The following FGD5 variants were observed in gnomAD, a reference collection of about 807,000 sequenced individuals.
The protein encoded by FGD5 is FYVE, RhoGEF and PH domain-containing protein 5.
In FGD5, 28 loss-of-function variants were observed where a neutral mutation model predicts 133.4. That is an observed-to-expected ratio of 0.21 (90% CI 0.16 to 0.29). The LOEUF is 0.29. Among genes scored for constraint, FGD5 ranks in the 10% least tolerant of loss-of-function variants. The pLI, the probability that FGD5 is intolerant of heterozygous loss-of-function variation, is 1.00. For synonymous variants in FGD5, 810 were observed against 776.5 expected (o/e 1.04, Z -0.72); for missense variants, 1,858 against 1,895.2 (o/e 0.98, Z 0.36).
chr3:14,812,547 G>A (rs2036310241), intron 1 of FGD5, among the ~76,000 whole-genome samples: 1 of 152,134 alleles, frequency 6.6e-6, no homozygotes, highest in Admixed American at 6.5e-5. Flanking sequence ...TCGCTCTTGG[G>A]TTCAGCCTTC....
rs1294051371 is a variant in FGD5 at position 14,917,563 on chromosome 3, C to G, written c.3489+231C>G. ...ACCCTTAGAGTGGATAATATTTGGT[C>G]GGATCAGGAAGGAAGGGAAGGAGGG... is the stretch of plus-strand genomic sequence containing the variant. On this transcript the variant is annotated intron_variant, in intron 12 of 19. Coordinates refer to ENST00000285046, the MANE Select transcript of FGD5 (RefSeq NM_152536.4). This position sits in a 1 kb window ranked among gnomAD's most constrained non-coding sequence, Gnocchi z 4.1. 3.3e-5 allele frequency among the ~76,000 whole-genome samples: 5 copies of G among 151,526 alleles called. No individual in the cohort carries two copies. The highest frequency in any genetic ancestry group is 6.6e-5 in the Admixed American group (1 of 15,228).
Position 14,917,349 on chromosome 3 carries a change from A to G in FGD5, c.3489+17A>G. 5 of 1,608,044 alleles carry G rather than the reference A, an allele frequency of 3.1e-6. No homozygotes were observed. Among genetic ancestry groups the G allele is most frequent in the Non-Finnish European group, 4.2e-6 (5 of 1,177,126 alleles). On this transcript the variant is annotated intron_variant, in intron 12 of 19. Transcript: ENST00000285046. The surrounding 1 kb of genome is among the most constrained non-coding windows in gnomAD (Gnocchi z 4.1). ...AACATGAAGGTAAATATCTGGTGCC[A>G]GGTACCCCCGGGTTGGGGGACAGGG...
At chr3:14,827,862 C>T (rs1375006289) in intron 1 of FGD5, among the ~76,000 whole-genome samples, 1 of 152,122 alleles carries the variant, frequency 6.6e-6, no homozygotes, top group Non-Finnish European at 1.5e-5. Flanking sequence ...AGATTCTACC[C>T]GCCCGGGGCA....
At chr3:14,810,830 G>T (rs2036280678), upstream of FGD5, 1 of 984,766 alleles carries the variant, frequency 1.0e-6, no homozygotes. Flanking sequence ...CGCCGACGGC[G>T]GCCCGGGCCC....
chr3:14,917,123 A>T lies in FGD5; in HGVS notation c.3406-126A>T, dbSNP rs1482211783. On this transcript the variant is annotated intron_variant, in intron 11 of 19. Coordinates refer to ENST00000285046, the MANE Select transcript of FGD5 (RefSeq NM_152536.4). This position sits in a 1 kb window ranked among gnomAD's most constrained non-coding sequence, Gnocchi z 4.1. Reference sequence around the variant, plus strand: ...CATTTTGGCCGCAACGTTTTTGCTCACCTGTGGGGGTTACTGAGGAATACA... The same window carrying T: ...CATTTTGGCCGCAACGTTTTTGCTCTCCTGTGGGGGTTACTGAGGAATACA... 6.8e-6 allele frequency: 5 copies of T among 739,052 alleles called. No homozygotes were observed. In the Admixed American group the frequency reaches 1.3e-4, roughly 19 times the overall value. The allele number at this position is 739,052 out of a possible 1,614,324, so 45.8% of individuals were successfully genotyped here.
intron 1 of FGD5, among the ~76,000 whole-genome samples, chr3:14,821,840 G>A (rs144362093): frequency 7.4e-4 from 113 of 152,312 alleles, no homozygotes; most frequent in African/African-American, 2.7e-3. Context: ...AGTGGCTCAT[G>A]CCTGTAATCC....
At position 14,820,421 on chromosome 3, in the gene FGD5, G is replaced by A. The variant is rs753667680; in HGVS notation, c.1350G>A (p.Ser450=). Reference sequence around the variant, plus strand: ...CTGGAGAAGGAGGGCAGGCTGCATCGGACGCCCTGGGTGGTTATGGCTCGA... The same window carrying A: ...CTGGAGAAGGAGGGCAGGCTGCATCAGACGCCCTGGGTGGTTATGGCTCGA... ...AAPGEGGQAA[S]DALGGYGSKE... Residue 450 remains serine, a synonymous_variant, in exon 1 of 20, where the codon TCG becomes TCA. Coordinates refer to ENST00000285046, the MANE Select transcript of FGD5 (RefSeq NM_152536.4). 9 of 1,613,848 alleles carry A rather than the reference G, an allele frequency of 5.6e-6. No individual in the cohort carries two copies. Among genetic ancestry groups the A allele is most frequent in the East Asian group, 2.2e-5 (1 of 44,890 alleles).
intron 2 of FGD5, among the ~76,000 whole-genome samples, chr3:14,866,700 G>A (rs536586518): frequency 7.9e-5 from 12 of 152,352 alleles, no homozygotes; most frequent in African/African-American, 2.6e-4. Context: ...AGCATACCAA[G>A]GTCAGAGCTT....
chr3:14,911,065 C>T, intron 11 of FGD5, 136 bp downstream of exon 11: 1 of 782,668 alleles, frequency 1.3e-6, no homozygotes, highest in East Asian at 2.8e-5. Context: ...GAGGATCATT[C>T]TGGACAGCTG....
At chr3:14,833,020 A>C (rs900975761) in intron 1 of FGD5, among the ~76,000 whole-genome samples, 2 of 152,230 alleles carry the variant, frequency 1.3e-5, no homozygotes, top group Non-Finnish European at 1.5e-5. Context: ...GGTCAGCAGG[A>C]CAATAAACTA....
chr3:14,915,207 C>T (rs2125148633), intron 11 of FGD5, among the ~76,000 whole-genome samples: 1 of 152,300 alleles, frequency 6.6e-6, no homozygotes, highest in East Asian at 1.9e-4. Flanking sequence ...TTCCTGAGGT[C>T]CCATGGAGGG....
Position 14,922,446 on chromosome 3 carries a change from G to A in FGD5, c.3705G>A (p.Arg1235=), listed in dbSNP as rs765910983. 3 of 1,570,406 alleles carry A rather than the reference G, an allele frequency of 1.9e-6. No homozygotes were observed. Among genetic ancestry groups the A allele is most frequent in the East Asian group, 4.7e-5 (2 of 42,396 alleles). The change falls in exon 15 of 20, where the codon AGG becomes AGA. Residue 1235 remains arginine (R), a synonymous_variant. Coordinates refer to ENST00000285046, the MANE Select transcript of FGD5 (RefSeq NM_152536.4). This position sits in a 1 kb window ranked among gnomAD's most constrained non-coding sequence, Gnocchi z 4.1. ...GGCTGGGGGTTAGCCTTGGGGAGAG[G>A]CCCCCCACCCTGGTGCCTGTCACAC... ...RERLGVSLGE[R]PPTLVPVTHV...
At chr3:14,931,052 A>G (rs2038891869) in intron 18 of FGD5, 1 of 151,976 alleles carries the variant, frequency 6.6e-6, no homozygotes, top group Non-Finnish European at 1.5e-5. Flanking sequence ...TTAATGTAAT[A>G]GTTATGGTCT....
At chr3:14,810,939 T>TC (rs1267617844) in intron 1 of FGD5, 4 of 975,914 alleles carry the variant, frequency 4.1e-6, no homozygotes, top group East Asian at 1.1e-4. Context: ...AAGTTGGAGC[T>TC]CCCGGGGAGC....
At chr3:14,810,744 G>T (rs1254896073), upstream of FGD5, 8 of 934,432 alleles carry the variant, frequency 8.6e-6, no homozygotes, top group East Asian at 2.3e-4. Context: ...GGGCGCCAGG[G>T]GGTGCGGGCC....
At chr3:14,879,482 C>T (rs768559272) in intron 2 of FGD5, among the ~76,000 whole-genome samples, 8 of 152,228 alleles carry the variant, frequency 5.3e-5, no homozygotes, top group Non-Finnish European at 1.2e-4. Context: ...AGTCTATTTC[C>T]AGATCATATA....
At chr3:14,812,873 T>C (rs995535273) in intron 1 of FGD5, among the ~76,000 whole-genome samples, 2 of 152,246 alleles carry the variant, frequency 1.3e-5, no homozygotes, top group Non-Finnish European at 2.9e-5. Context: ...CTAATATTTA[T>C]TGGGTACTTA....
intron 1 of FGD5, among the ~76,000 whole-genome samples, chr3:14,844,404 G>A (rs747624): frequency 0.49 from 73,230 of 148,162 alleles, 18,501 homozygotes; most frequent in African/African-American, 0.54. Flanking sequence ...GCCCTGTACC[G>A]TGTGGCTTCT....
chr3:14,863,881 G>A (rs979814019), intron 1 of FGD5, among the ~76,000 whole-genome samples: 9 of 152,172 alleles, frequency 5.9e-5, no homozygotes, highest in African/African-American at 2.2e-4. Context: ...TGGCAGGGGA[G>A]CCTGCCCCCT....
Sources: gnomAD v4.1 joint callset for allele counts (sites outside exome capture counted in the v4.1 genomes callset) on GRCh38, gnomAD v4.1.1 for gene constraint, Gnocchi (gnomAD v3.1) non-coding constraint, MANE v1.5 for transcripts, NCBI Gene and HGNC (gene_info 2026-07-23, HGNC 2026-07-21) for gene names.